NEDD4: variants seen among roughly 807,000 people sequenced by gnomAD.
The protein encoded by NEDD4 is E3 ubiquitin-protein ligase NEDD4.
Under a neutral mutation model 144.9 loss-of-function variants are expected in NEDD4, and 99 were observed. The observed-to-expected ratio is 0.68, with a 90% CI of 0.58 to 0.81. The LOEUF (loss-of-function observed/expected upper bound fraction) is 0.81, where lower values mean the gene tolerates loss of function less well. NEDD4 is among the 30% of genes least tolerant of loss of function. NEDD4 has a pLI of 0.00. For missense variants in NEDD4, 985 were observed against 1,065.9 expected, an observed-to-expected ratio of 0.92 and a Z score of 1.06; for synonymous variants, 318 against 350.6, an observed-to-expected ratio of 0.91 and a Z score of 1.04.
At chr15:55,971,264 T>TA (rs1472217453) in intron 1 of NEDD4, among the ~76,000 whole-genome samples, 2 of 151,624 alleles carry the variant, frequency 1.3e-5, no homozygotes, top group African/African-American at 2.4e-5. Flanking sequence ...GGTGTAAAAA[T>TA]AAAAAAAGAA....
At chr15:55,855,843 T>C (rs1053573770) in intron 12 of NEDD4, among the ~76,000 whole-genome samples, 3 of 152,180 alleles carry the variant, frequency 2.0e-5, no homozygotes, top group Admixed American at 1.3e-4. Context: ...TGATCCTGAA[T>C]TGTATGCCGT....
Position 55,985,273 on chromosome 15 carries a change from C to T in NEDD4, c.45+8238G>A, listed in dbSNP as rs186233788. ...CTGGCGCAGAGCAGTCAATCACAGG[C>T]CACTACAGAAAATGTCTGTGGAGTG... is the stretch of plus-strand genomic sequence containing the variant. On this transcript the variant is annotated intron_variant, in intron 1 of 28. Transcript: ENST00000435532. 3.2e-3 allele frequency among the ~76,000 whole-genome samples: 480 copies of T among 152,340 alleles called. 4 individuals carry two copies. The highest frequency in any genetic ancestry group is 6.8e-3 in the Middle Eastern group (2 of 294).
At chr15:55,864,973 G>A (rs2034535922) in intron 8 of NEDD4, among the ~76,000 whole-genome samples, 1 of 151,546 alleles carries the variant, frequency 6.6e-6, no homozygotes, top group African/African-American at 2.4e-5. Flanking sequence ...TGAGGTGAGG[G>A]GGTCACTTGA....
intron 8 of NEDD4, among the ~76,000 whole-genome samples, chr15:55,867,239 C>G (rs2034616556): frequency 6.6e-6 from 1 of 152,136 alleles, no homozygotes; most frequent in Non-Finnish European, 1.5e-5. Context: ...CAAGACTCCT[C>G]TAGTCATTAG....
intron 21 of NEDD4, among the ~76,000 whole-genome samples, chr15:55,839,362 G>A (rs952776427): frequency 2.6e-5 from 4 of 152,032 alleles, no homozygotes; most frequent in African/African-American, 9.7e-5. Flanking sequence ...CTATGAGGAG[G>A]CCATTGTTTA....
chr15:55,880,597 A>C (rs1283944427), intron 5 of NEDD4, among the ~76,000 whole-genome samples: 1 of 152,162 alleles, frequency 6.6e-6, no homozygotes, highest in Non-Finnish European at 1.5e-5. Flanking sequence ...GTAATGGAGG[A>C]TATACTTCAC....
chr15:55,986,699 C>T (rs2037900318), intron 1 of NEDD4, among the ~76,000 whole-genome samples: 1 of 150,922 alleles, frequency 6.6e-6, no homozygotes, highest in South Asian at 2.1e-4. Flanking sequence ...ACGCCATTCT[C>T]CGGCCTCAGC....
In NEDD4 at chr15:55,838,534, A is replaced by T. The variant is rs758577603; in HGVS notation, c.2102T>A (p.Ile701Asn). ...CTGTCCAAAAAGTTCTTCATCTATG[A>T]TAAACCTGAGGTCCAATTCTGTTGG... The part of the protein sequence containing the change: ...NDPTELDLRF[I>N]IDEELFGQTH... The change falls in exon 22 of 29, where the codon ATC (isoleucine) becomes AAC (asparagine). Residue 701 changes from isoleucine (I) to asparagine (N), a missense_variant. Ile to Asn is a moderately radical substitution (Grantham distance 149, BLOSUM62 -3). Transcript: ENST00000435532. 6.2e-7 allele frequency: 1 copy of T among 1,612,794 alleles called. No individual in the cohort carries two copies. Among genetic ancestry groups the T allele is most frequent in the South Asian group, 1.1e-5 (1 of 91,044 alleles).
intron 1 of NEDD4, among the ~76,000 whole-genome samples, chr15:55,969,992 G>A (rs1006603645): frequency 1.3e-5 from 2 of 152,046 alleles, no homozygotes; most frequent in Admixed American, 6.6e-5. Flanking sequence ...AGCTCCGAGA[G>A]GGCATTTCTA....
chr15:55,854,104 T>A (rs895475250), intron 12 of NEDD4, among the ~76,000 whole-genome samples: 1 of 151,866 alleles, frequency 6.6e-6, no homozygotes, highest in African/African-American at 2.4e-5. Context: ...TGAGCCGAGA[T>A]CGCCTGGGCA....
intron 4 of NEDD4, among the ~76,000 whole-genome samples, chr15:55,938,523 A>G (rs891077289): frequency 2.6e-5 from 4 of 152,206 alleles, no homozygotes; most frequent in Non-Finnish European, 4.4e-5. Context: ...AAAACAGAGA[A>G]GAAGCTTCTT....
chr15:55,838,265 G>A, intron 22 of NEDD4, 85 bp from the exon 23 acceptor site: 1 of 979,068 alleles, frequency 1.0e-6, no homozygotes, highest in Non-Finnish European at 1.5e-6. Context: ...CGAGAAACTT[G>A]GTGTTTTAAA....
At position 55,868,446 on chromosome 15, in the gene NEDD4, T is replaced by C. The variant is rs1349686087; in HGVS notation, c.507+1133A>G. On this transcript the variant is annotated intron_variant, in intron 8 of 28. Coordinates refer to ENST00000435532, the MANE Select transcript of NEDD4 (RefSeq NM_006154.4). The stretch of plus-strand genomic sequence containing the variant: ...CTTCTATAATCCCCTCGTGTCGTGG[T>C]AGGCACTCAGTGAGAGGTAACTGAA... Among the ~76,000 whole-genome samples the C allele has an allele frequency of 5.9e-5, 9 of 152,354 alleles. No homozygotes were observed. The East Asian group carries it at 9.6e-4, about 16-fold the overall frequency.
chr15:55,856,056 C>T (rs1313481874), intron 12 of NEDD4, 75 bp downstream of exon 12: 13 of 1,328,690 alleles, frequency 9.8e-6, no homozygotes, highest in Middle Eastern at 2.0e-4. Context: ...AACGTTCACA[C>T]TCAATCTTCC....
chr15:55,937,294 A>G (rs748010103), intron 4 of NEDD4, among the ~76,000 whole-genome samples: 5 of 152,204 alleles, frequency 3.3e-5, no homozygotes, highest in Non-Finnish European at 7.4e-5. Context: ...AGACATTTTT[A>G]TGGCGAATAC....
intron 5 of NEDD4, among the ~76,000 whole-genome samples, chr15:55,875,912 G>C (rs1238001856): frequency 1.3e-5 from 2 of 152,072 alleles, no homozygotes; most frequent in Non-Finnish European, 2.9e-5. Context: ...AGTCAATAAA[G>C]TCAGTGAACT....
At chr15:55,907,930 C>G (rs1389928958) in intron 5 of NEDD4, among the ~76,000 whole-genome samples, 1 of 152,164 alleles carries the variant, frequency 6.6e-6, no homozygotes, top group Admixed American at 6.5e-5. Context: ...AATCAGACTC[C>G]ACTGTGGAAA....
At chr15:55,857,257 AGGTCT>A (rs2034231218) in intron 11 of NEDD4, among the ~76,000 whole-genome samples, 1 of 152,230 alleles carries the variant, frequency 6.6e-6, no homozygotes, top group Non-Finnish European at 1.5e-5. Context: ...TTTATTCTTT[AGGTCT>A]TTGACCACTA....
chr15:55,850,778 T>G lies in NEDD4; in HGVS notation c.1147-36A>C, dbSNP rs111612037. 7.7e-6 allele frequency: 12 copies of G among 1,565,176 alleles called. No homozygotes were observed. The Admixed American group carries it at 1.5e-4, about 19-fold the overall frequency. ...AATGAAATCATATTGTAATATTTTA[T>G]AGAGAGAACTCACAAATAGATGTAG... On this transcript the variant is annotated intron_variant, in intron 13 of 28. Coordinates refer to ENST00000435532, the MANE Select transcript of NEDD4 (RefSeq NM_006154.4).
Sources: allele counts gnomAD v4.1 joint callset (sites outside exome capture counted in the v4.1 genomes callset), GRCh38; gene constraint gnomAD v4.1.1; transcripts MANE v1.5; gene names NCBI Gene and HGNC (gene_info 2026-07-23, HGNC 2026-07-21).